Variants in KCNH1 observed in about 807,000 individuals in gnomAD.
KCNH1 encodes voltage-gated delayed rectifier potassium channel KCNH1.
Under a neutral mutation model 69.2 loss-of-function variants are expected in KCNH1, and 27 were observed. The ratio of observed to expected loss-of-function variants is 0.39; its 90% CI spans 0.29 to 0.54. The LOEUF (loss-of-function observed/expected upper bound fraction) is 0.54, where lower values mean the gene tolerates loss of function less well. KCNH1 is among the 20% of genes least tolerant of loss of function. KCNH1 has a pLI of 0.68. For missense variants in KCNH1, 798 were observed against 1,261.6 expected, an observed-to-expected ratio of 0.63 and a Z score of 5.57; for synonymous variants, 456 against 487.7, an observed-to-expected ratio of 0.93 and a Z score of 0.86.
chr1:210,770,982 G>A (rs1250319735), intron 10 of KCNH1, among the ~76,000 whole-genome samples: 1 of 152,198 alleles, frequency 6.6e-6, no homozygotes, highest in Non-Finnish European at 1.5e-5. Flanking sequence ...TTATTCCATT[G>A]AGAAATGGGA....
At chr1:210,761,606 A>G (rs1053471740) in intron 10 of KCNH1, among the ~76,000 whole-genome samples, 1 of 152,208 alleles carries the variant, frequency 6.6e-6, no homozygotes, top group African/African-American at 2.4e-5. Flanking sequence ...CTTATATCAC[A>G]TAAAATAGGC....
At position 211,019,206 on chromosome 1, in the gene KCNH1, T is replaced by G; in HGVS notation, c.609A>C (p.Pro203=). ...GTAAGATGATGTGAGGGGGAGTCTT[T>G]GGTGCCTCTTGCTTGTACTGGGGAA... is the stretch of plus-strand genomic sequence containing the variant. ...DILPQYKQEA[P]KTPPHIILHY... The change falls in exon 6 of 11, where the codon CCA becomes CCC. Residue 203 remains proline (P), a synonymous_variant. Transcript: ENST00000271751. The G allele has an allele frequency of 6.2e-7, 1 of 1,612,868 alleles. No individual in the cohort carries two copies. The highest frequency in any genetic ancestry group is 2.2e-5 in the East Asian group (1 of 44,874).
chr1:210,691,023 T>A (rs549193470), intron 10 of KCNH1, among the ~76,000 whole-genome samples: 51 of 152,208 alleles, frequency 3.4e-4, no homozygotes, highest in Non-Finnish European at 6.6e-4. Flanking sequence ...TCCCCAAACC[T>A]CAGTTTCAGC....
intron 4 of KCNH1, among the ~76,000 whole-genome samples, chr1:211,083,252 T>A (rs1460759267): frequency 6.6e-6 from 1 of 152,216 alleles, no homozygotes; most frequent in Non-Finnish European, 1.5e-5. Flanking sequence ...GAAGATAATA[T>A]CGGGTAATTG....
intron 6 of KCNH1, among the ~76,000 whole-genome samples, chr1:211,011,095 C>T (rs1392867964): frequency 6.6e-6 from 1 of 152,138 alleles, no homozygotes; most frequent in Non-Finnish European, 1.5e-5. Flanking sequence ...CCATCATCTA[C>T]ATTAGGTATT....
At chr1:210,814,401 A>G (rs751145822) in intron 7 of KCNH1, among the ~76,000 whole-genome samples, 4 of 152,244 alleles carry the variant, frequency 2.6e-5, no homozygotes, top group Non-Finnish European at 5.9e-5. Context: ...CAGGATAATT[A>G]AAGACTAAAG....
At chr1:211,087,663 ACC>A (rs754972663) in intron 4 of KCNH1, among the ~76,000 whole-genome samples, 1 of 136,414 alleles carries the variant, frequency 7.3e-6, no homozygotes, top group African/African-American at 2.7e-5. Context: ...ACACACACAC[ACC>A]CCAGAGCTGT....
chr1:210,813,859 G>A (rs993157254), intron 7 of KCNH1, among the ~76,000 whole-genome samples: 1 of 152,198 alleles, frequency 6.6e-6, no homozygotes, highest in Non-Finnish European at 1.5e-5. Flanking sequence ...TCTTTCCCAC[G>A]TTGTTCTTGT....
At chr1:210,926,958 G>A (rs2134108) in intron 6 of KCNH1, among the ~76,000 whole-genome samples, 53,357 of 151,722 alleles carry the variant, frequency 0.35, 9,835 homozygotes, top group African/African-American at 0.42. Context: ...GAACAAGCAG[G>A]AGAAAGAACT....
chr1:211,126,753 T>A (rs887453906), intron 1 of KCNH1, among the ~76,000 whole-genome samples: 1 of 149,688 alleles, frequency 6.7e-6, no homozygotes, highest in Non-Finnish European at 1.5e-5. Flanking sequence ...CAAATTCCAG[T>A]ATCTAGGATG....
intron 7 of KCNH1, among the ~76,000 whole-genome samples, chr1:210,905,043 G>A (rs912043280): frequency 9.9e-5 from 15 of 152,160 alleles, no homozygotes; most frequent in African/African-American, 3.6e-4. Context: ...GCTCCTTAAG[G>A]AGGCAGAAGC....
chr1:210,878,606 A>G (rs1052121384), intron 7 of KCNH1, among the ~76,000 whole-genome samples: 1 of 152,138 alleles, frequency 6.6e-6, no homozygotes, highest in Non-Finnish European at 1.5e-5. Flanking sequence ...AAAAAAACAC[A>G]TCAAAATTTG....
At chr1:210,921,211 C>T (rs564614532) in intron 6 of KCNH1, among the ~76,000 whole-genome samples, 3 of 152,276 alleles carry the variant, frequency 2.0e-5, no homozygotes, top group Non-Finnish European at 4.4e-5. Flanking sequence ...AAACCCCAAA[C>T]CTAAGGTGTT....
intron 7 of KCNH1, among the ~76,000 whole-genome samples, chr1:210,822,536 TAGA>T (rs1684951016): frequency 6.6e-6 from 1 of 152,160 alleles, no homozygotes; most frequent in African/African-American, 2.4e-5. Context: ...TGAAATCACT[TAGA>T]AGGTCCTATG....
chr1:210,830,021 A>G (rs886639916), intron 7 of KCNH1, among the ~76,000 whole-genome samples: 7 of 152,144 alleles, frequency 4.6e-5, no homozygotes, highest in African/African-American at 7.2e-5. Flanking sequence ...TGTTATATTC[A>G]CTAATGTAAA....
chr1:210,806,610 C>T (rs957890268), intron 7 of KCNH1, among the ~76,000 whole-genome samples: 28 of 97,410 alleles, frequency 2.9e-4, no homozygotes, highest in Non-Finnish European at 4.9e-4. Flanking sequence ...TTTGATTCAG[C>T]GTATTTTGGG....
chr1:210,863,542 T>C (rs1417306260), intron 7 of KCNH1, among the ~76,000 whole-genome samples: 2 of 152,146 alleles, frequency 1.3e-5, no homozygotes, highest in Non-Finnish European at 2.9e-5. Flanking sequence ...ACTTTCCCCC[T>C]TGATAATAGT....
intron 6 of KCNH1, among the ~76,000 whole-genome samples, chr1:210,988,111 C>A (rs1688876322): frequency 6.6e-6 from 1 of 152,182 alleles, no homozygotes; most frequent in Admixed American, 6.5e-5. Flanking sequence ...CCTGATGTGC[C>A]ATTTGTTAAG....
chr1:210,711,288 A>G (rs1682067900), intron 10 of KCNH1, among the ~76,000 whole-genome samples: 1 of 152,218 alleles, frequency 6.6e-6, no homozygotes, highest in African/African-American at 2.4e-5. Context: ...GCCTCTGCTA[A>G]GATGTGTGTA....
Sources: allele counts gnomAD v4.1 joint callset (sites outside exome capture counted in the v4.1 genomes callset), GRCh38; gene constraint gnomAD v4.1.1; transcripts MANE v1.5; gene names NCBI Gene and HGNC (gene_info 2026-07-23, HGNC 2026-07-21).